Variants in UNC79 observed in about 807,000 individuals in gnomAD.
UNC79 encodes the protein protein unc-79 homolog.
Under a neutral mutation model 283.1 loss-of-function variants are expected in UNC79, and 37 were observed. That is an observed-to-expected ratio of 0.13 (90% CI 0.10 to 0.17). The LOEUF is 0.17. Among genes scored for constraint, UNC79 ranks in the 10% least tolerant of loss-of-function variants. The pLI is 1.00. For missense variants in UNC79, 2,272 were observed against 3,211.1 expected, an observed-to-expected ratio of 0.71 and a Z score of 7.07; for synonymous variants, 1,107 against 1,200.2, an observed-to-expected ratio of 0.92 and a Z score of 1.61.
intron 1 of UNC79, among the ~76,000 whole-genome samples, chr14:93,365,094 A>G (rs1035861402): frequency 1.3e-5 from 2 of 152,012 alleles, no homozygotes; most frequent in Non-Finnish European, 2.9e-5. Flanking sequence ...TAATTAAAAA[A>G]ATGTTATCAG....
At chr14:93,403,871 T>G (rs1341084313) in intron 1 of UNC79, among the ~76,000 whole-genome samples, 1 of 150,182 alleles carries the variant, frequency 6.7e-6, no homozygotes, top group Non-Finnish European at 1.5e-5. Flanking sequence ...TGAGCTAGAC[T>G]CTTTTTTTTT....
At chr14:93,680,472 T>C (rs1044557113) in intron 41 of UNC79, among the ~76,000 whole-genome samples, 3 of 152,360 alleles carry the variant, frequency 2.0e-5, no homozygotes, top group Admixed American at 6.5e-5. Context: ...CTCTTAGCTA[T>C]GCAATATCAT....
At chr14:93,493,128 C>T (rs1237859950) in intron 5 of UNC79, among the ~76,000 whole-genome samples, 1 of 152,084 alleles carries the variant, frequency 6.6e-6, no homozygotes, top group Non-Finnish European at 1.5e-5. Context: ...AGGAGGGCTT[C>T]TTTGAGGAAG....
At chr14:93,595,383 C>A (rs1278072461) in intron 23 of UNC79, among the ~76,000 whole-genome samples, 1 of 152,132 alleles carries the variant, frequency 6.6e-6, no homozygotes, top group Non-Finnish European at 1.5e-5. Flanking sequence ...AGCCACCGTA[C>A]CCGGCCAAGG....
chr14:93,493,890 TATA>T (rs1284089711), intron 5 of UNC79, among the ~76,000 whole-genome samples: 81 of 70,836 alleles, frequency 1.1e-3, no homozygotes, highest in African/African-American at 1.8e-3. Flanking sequence ...TATATATATA[TATA>T]TATATATATT....
chr14:93,349,947 T>G (rs537247759), intron 1 of UNC79, among the ~76,000 whole-genome samples: 1 of 152,308 alleles, frequency 6.6e-6, no homozygotes, highest in East Asian at 1.9e-4. Flanking sequence ...TAAAAAAAAT[T>G]AAGTGCATAA....
chr14:93,372,240 CAT>C lies in UNC79; in HGVS notation c.-351+38720_-351+38721del, dbSNP rs1595398939. ...GTATTCAATTATATATGCTTATGTT[CAT>C]ATGTGTATAAGTATATATACAGTAA... On this transcript the variant is annotated intron_variant, in intron 1 of 49. Transcript: ENST00000256339. 2.0e-5 allele frequency among the ~76,000 whole-genome samples: 3 copies of C among 152,098 alleles called. No homozygotes were observed. In the South Asian group the frequency reaches 6.2e-4, roughly 32 times the overall value.
At chr14:93,455,509 A>T (rs1384482842) in intron 1 of UNC79, among the ~76,000 whole-genome samples, 1 of 151,668 alleles carries the variant, frequency 6.6e-6, no homozygotes, top group Non-Finnish European at 1.5e-5. Flanking sequence ...GTGTGTGTGT[A>T]GGGGGCTATT....
At chr14:93,679,416 G>A (rs1204212905) in intron 41 of UNC79, among the ~76,000 whole-genome samples, 1 of 152,028 alleles carries the variant, frequency 6.6e-6, no homozygotes, top group African/African-American at 2.4e-5. Flanking sequence ...CCGAGATCGC[G>A]CGACTGCACT....
At position 93,531,189 on chromosome 14, in the gene UNC79, A is replaced by G. The variant is rs2060807427; in HGVS notation, c.1094-1361A>G. Among the ~76,000 whole-genome samples the G allele has an allele frequency of 6.6e-6, 1 of 152,214 alleles. No homozygotes were observed. Among genetic ancestry groups the G allele is most frequent in the Non-Finnish European group, 1.5e-5 (1 of 68,040 alleles). ...TTCATTACTTATACAGACATGTGAC[A>G]CTAACCTCAGATGATTTAAGATAAA... On this transcript the variant is annotated intron_variant, in intron 10 of 48. Transcript: ENST00000555664. This position sits in a 1 kb window ranked among gnomAD's most constrained non-coding sequence, Gnocchi z 4.2.
Position 93,404,513 on chromosome 14 carries a change from T to A in UNC79, c.-350-63158T>A, listed in dbSNP as rs796555294. ...AAAAAAATATATATATATATATATA[T>A]AAATATATACATATTATATATTATT... On this transcript the variant is annotated intron_variant, in intron 1 of 49. Coordinates refer to the UNC79 transcript ENST00000256339. Among the ~76,000 whole-genome samples, 150 of 113,126 alleles carry A rather than the reference T, an allele frequency of 1.3e-3. 1 individual carries two copies. The highest frequency in any genetic ancestry group is 2.0e-3 in the African/African-American group (58 of 29,678). The allele number at this position is 113,126 out of a possible 152,430, so 74.2% of individuals were successfully genotyped here. A position where few individuals can be genotyped will look rare whatever the true frequency, so the allele number is the denominator to read the frequency against.
At chr14:93,677,280 C>T (rs1440533875) in intron 41 of UNC79, among the ~76,000 whole-genome samples, 2 of 152,156 alleles carry the variant, frequency 1.3e-5, no homozygotes, top group African/African-American at 4.8e-5. Flanking sequence ...AGTCTGTTCT[C>T]ATGCTGCTAA....
At chr14:93,706,060 C>G (rs2075859402) in intron 48 of UNC79, among the ~76,000 whole-genome samples, 1 of 152,150 alleles carries the variant, frequency 6.6e-6, no homozygotes, top group African/African-American at 2.4e-5. Flanking sequence ...TTTTAAATTG[C>G]CTCTCTTACC....
chr14:93,591,530 T>A (rs2064678442), intron 22 of UNC79, among the ~76,000 whole-genome samples: 1 of 152,168 alleles, frequency 6.6e-6, no homozygotes, highest in Non-Finnish European at 1.5e-5. Flanking sequence ...ATTGAGAAAA[T>A]CATAAGGAAA....
In UNC79 at chr14:93,431,070, G is replaced by T. The variant is rs1280302224; in HGVS notation, c.22+19G>T. 1.4e-6 allele frequency: 1 copy of T among 700,682 alleles called. No individual in the cohort carries two copies. Among genetic ancestry groups the T allele is most frequent in the Non-Finnish European group, 2.6e-6 (1 of 384,308 alleles). 43.4% of individuals were successfully genotyped at this position (700,682 alleles called of 1,614,324 possible). On this transcript the variant is annotated intron_variant, in intron 1 of 48. Transcript: ENST00000555664. ...GAGCAGTGTAAGTAGCAGCCGGCCC[G>T]GCATTCCGGCCCGGCCTCGGCTGGG...
At chr14:93,475,362 T>C (rs764126473) in intron 3 of UNC79, among the ~76,000 whole-genome samples, 2 of 152,178 alleles carry the variant, frequency 1.3e-5, no homozygotes, top group Non-Finnish European at 2.9e-5. Context: ...TATGGCTAAC[T>C]CCCCTAAGAG....
intron 1 of UNC79, among the ~76,000 whole-genome samples, chr14:93,424,450 A>C (rs1009386742): frequency 1.3e-5 from 2 of 152,194 alleles, no homozygotes; most frequent in African/African-American, 4.8e-5. Context: ...CCAGACTTGA[A>C]AGCAACCTAA....
rs566192961 is a variant in UNC79, at chr14:93,514,783, A to G, written c.899-9195A>G. ...GGAAATATCACCAGGCAGAAAGCCAAGGTGAATGTAGAACTTAACTTGTAT... is the reference window on the plus strand; with the variant it reads ...GGAAATATCACCAGGCAGAAAGCCAGGGTGAATGTAGAACTTAACTTGTAT... On this transcript the variant is annotated intron_variant, in intron 7 of 48. Coordinates refer to ENST00000555664, the Ensembl canonical transcript of UNC79. 1.2e-4 allele frequency among the ~76,000 whole-genome samples: 18 copies of G among 152,352 alleles called. No individual in the cohort carries two copies. The South Asian group carries it at 3.3e-3, about 28-fold the overall frequency.
At chr14:93,541,741 C>T (rs897126063) in intron 13 of UNC79, among the ~76,000 whole-genome samples, 12 of 152,132 alleles carry the variant, frequency 7.9e-5, no homozygotes, top group African/African-American at 2.4e-4. Flanking sequence ...AGCGGTGGCT[C>T]ACGCCTGTAA....
Sources: gnomAD v4.1 joint callset for allele counts (sites outside exome capture counted in the v4.1 genomes callset) on GRCh38, gnomAD v4.1.1 for gene constraint, Gnocchi (gnomAD v3.1) non-coding constraint, MANE v1.5 for transcripts, NCBI Gene and HGNC (gene_info 2026-07-23, HGNC 2026-07-21) for gene names.